The following SEMA6D variants were observed in gnomAD, a reference collection of about 807,000 sequenced individuals.
The protein encoded by SEMA6D is semaphorin 6D.
A neutral mutation model predicts 106.6 loss-of-function variants in SEMA6D; 35 were observed. The ratio of observed to expected loss-of-function variants is 0.33; its 90% CI spans 0.25 to 0.44. The LOEUF (loss-of-function observed/expected upper bound fraction) is 0.44. Ranked by LOEUF, SEMA6D falls within the 20% of genes least tolerant of loss-of-function variation. SEMA6D has a pLI of 1.00. For missense variants in SEMA6D, 1,185 were observed against 1,345.9 expected (o/e 0.88, Z 1.87); for synonymous variants, 499 against 487.7 (o/e 1.02, Z -0.31).
chr15:47,266,831 A>C (rs1584950), intron 1 of SEMA6D, among the ~76,000 whole-genome samples: 150,539 of 152,222 alleles, frequency 0.99, 74,458 homozygotes, highest in Middle Eastern at 1. Context: ...ATGGAAGGAG[A>C]AGATTCTTGT....
At chr15:47,473,057 C>T (rs1221795470) in intron 3 of SEMA6D, among the ~76,000 whole-genome samples, 1 of 152,212 alleles carries the variant, frequency 6.6e-6, no homozygotes, top group Non-Finnish European at 1.5e-5. Flanking sequence ...GGAAAAGAGA[C>T]ATTCAGACTC....
At chr15:47,768,855 G>A (rs1330694505) in intron 18 of SEMA6D, 107 bp downstream of exon 18, 30 of 1,035,848 alleles carry the variant, frequency 2.9e-5, no homozygotes, top group Middle Eastern at 5.0e-4. Flanking sequence ...GAGCTTCTGC[G>A]GTTGTACCTC....
At chr15:47,514,226 C>G (rs1277433948) in intron 3 of SEMA6D, among the ~76,000 whole-genome samples, 1 of 152,204 alleles carries the variant, frequency 6.6e-6, no homozygotes, top group East Asian at 1.9e-4. Flanking sequence ...GGGCAAGAGA[C>G]TCTCTTAGAA....
Position 47,771,489 on chromosome 15 carries a change from G to A in SEMA6D, c.2926G>A (p.Ala976Thr). Reference protein sequence around the residue: ...KNSSQRHSISAMPKNLNSPNG... With the variant: ...KNSSQRHSISTMPKNLNSPNG... ...TTCCTCCCAGAGGCACTCTATATCTGCTATGCCTAAAAACTTAAACTCACC... is the reference window on the plus strand; with the variant it reads ...TTCCTCCCAGAGGCACTCTATATCTACTATGCCTAAAAACTTAAACTCACC... Residue 976 changes from alanine to threonine, a missense_variant, in exon 19 of 19, where the codon GCT (alanine) becomes ACT (threonine). By Grantham distance (58) the Ala-to-Thr change is moderately conservative (BLOSUM62 0). Transcript: ENST00000536845. 1.9e-6 allele frequency: 3 copies of A among 1,614,074 alleles called. No homozygotes were observed. In the South Asian group the frequency reaches 3.3e-5, roughly 18 times the overall value.
At chr15:47,248,047 C>G (rs1566949669) in intron 1 of SEMA6D, among the ~76,000 whole-genome samples, 1 of 152,024 alleles carries the variant, frequency 6.6e-6, no homozygotes, top group East Asian at 1.9e-4. Context: ...TGACATTACT[C>G]CAAAAAATTC....
intron 4 of SEMA6D, among the ~76,000 whole-genome samples, chr15:47,654,563 TC>T (rs1208552445): frequency 6.6e-6 from 1 of 152,202 alleles, no homozygotes; most frequent in Non-Finnish European, 1.5e-5. Flanking sequence ...GAATTGTAAT[TC>T]CCAATGTTGG....
intron 4 of SEMA6D, among the ~76,000 whole-genome samples, chr15:47,647,712 TTGTGGGCAAAAAAAAAAAAAAAATCAG>T (rs2144872585): frequency 6.9e-6 from 1 of 144,114 alleles, no homozygotes; most frequent in East Asian, 1.9e-4. Context: ...CCCAATTCAA[TTGTGGGCAAAAAAAAAAAAAAAATCAG>T]CACTAACAGC....
chr15:47,307,088 C>G (rs1031142034), intron 1 of SEMA6D, among the ~76,000 whole-genome samples: 1 of 152,180 alleles, frequency 6.6e-6, no homozygotes, highest in Non-Finnish European at 1.5e-5. Context: ...ATTTCCTCAT[C>G]TGTTTAATGG....
At chr15:47,351,112 C>T (rs964790212) in intron 1 of SEMA6D, among the ~76,000 whole-genome samples, 1 of 152,158 alleles carries the variant, frequency 6.6e-6, no homozygotes, top group Non-Finnish European at 1.5e-5. Flanking sequence ...TTTCTTGTCT[C>T]TGTTTCTCTG....
intron 1 of SEMA6D, among the ~76,000 whole-genome samples, chr15:47,310,864 G>T (rs1345606504): frequency 6.6e-6 from 1 of 152,128 alleles, no homozygotes; most frequent in Non-Finnish European, 1.5e-5. Context: ...TTCCTTCGTT[G>T]TGCCGTTTCT....
chr15:47,726,275 C>T (rs372709538), intron 1 of SEMA6D, among the ~76,000 whole-genome samples: 2 of 152,272 alleles, frequency 1.3e-5, no homozygotes, highest in African/African-American at 4.8e-5. Context: ...CCTCACTCTA[C>T]CTCTGGGAGT....
chr15:47,743,222 C>T (rs182056492), intron 1 of SEMA6D, among the ~76,000 whole-genome samples: 1 of 152,288 alleles, frequency 6.6e-6, no homozygotes. Flanking sequence ...GGGCAATTGC[C>T]TACCGGAAAT....
At chr15:47,653,128 A>G (rs1487918370) in intron 4 of SEMA6D, among the ~76,000 whole-genome samples, 1 of 152,224 alleles carries the variant, frequency 6.6e-6, no homozygotes, top group Non-Finnish European at 1.5e-5. Flanking sequence ...ACATGCCCAT[A>G]CACCTGGCAA....
chr15:47,745,434 G>C (rs1422705389), intron 1 of SEMA6D, among the ~76,000 whole-genome samples: 1 of 152,244 alleles, frequency 6.6e-6, no homozygotes, highest in African/African-American at 2.4e-5. Flanking sequence ...CCTGGCTCCA[G>C]AGCCATGTTC....
chr15:47,717,133 A>T (rs1160958060), upstream of SEMA6D: 1 of 152,326 alleles, frequency 6.6e-6, no homozygotes, highest in Non-Finnish European at 1.5e-5. Context: ...GTTGCTTCGC[A>T]GGCTGCAGCA....
intron 1 of SEMA6D, among the ~76,000 whole-genome samples, chr15:47,292,641 T>C (rs912151986): frequency 6.6e-6 from 1 of 152,118 alleles, no homozygotes; most frequent in African/African-American, 2.4e-5. Flanking sequence ...TGGATTTCCA[T>C]GTAAGGGATA....
chr15:47,687,548 C>A (rs1474399047), intron 4 of SEMA6D, among the ~76,000 whole-genome samples: 1 of 152,094 alleles, frequency 6.6e-6, no homozygotes, highest in East Asian at 1.9e-4. Context: ...TCATGAAAGG[C>A]CCCCTTAAGC....
At chr15:47,414,264 A>G (rs549722151) in intron 2 of SEMA6D, among the ~76,000 whole-genome samples, 2 of 152,194 alleles carry the variant, frequency 1.3e-5, no homozygotes, top group East Asian at 1.9e-4. Flanking sequence ...TTATTTCATG[A>G]TTTAGAAGTG....
chr15:47,501,324 T>A (rs2043841483), intron 3 of SEMA6D, among the ~76,000 whole-genome samples: 1 of 152,172 alleles, frequency 6.6e-6, no homozygotes, highest in South Asian at 2.1e-4. Context: ...GTCTAATGAG[T>A]TATTTCTTTC....
Sources: allele counts gnomAD v4.1 joint callset (sites outside exome capture counted in the v4.1 genomes callset), GRCh38; gene constraint gnomAD v4.1.1; transcripts MANE v1.5; gene names NCBI Gene and HGNC (gene_info 2026-07-23, HGNC 2026-07-21).